The following LMBR1 variants were observed in gnomAD, a reference collection of about 807,000 sequenced individuals.
LMBR1 encodes the protein limb development membrane protein 1, also known as limb region 1 protein homolog.
In LMBR1, 52 loss-of-function variants were observed where a neutral mutation model predicts 73.9. That is an observed-to-expected ratio of 0.70 (90% CI 0.56 to 0.89). The LOEUF (loss-of-function observed/expected upper bound fraction) is 0.89. LMBR1 is among the 40% of genes least tolerant of loss of function. LMBR1 has a pLI of 0.00. For synonymous variants in LMBR1, 215 were observed against 209.4 expected (o/e 1.03, Z -0.23); for missense variants, 539 against 579.8 (o/e 0.93, Z 0.72).
chr7:156,725,656 A>T, intron 13 of LMBR1, 108 bp downstream of exon 13: 5 of 1,248,466 alleles, frequency 4.0e-6, no homozygotes, highest in Non-Finnish European at 4.5e-6. Flanking sequence ...AGGAAGACTA[A>T]CCTGTTGTTT....
At chr7:156,858,593 A>G (rs1797299616) in intron 1 of LMBR1, among the ~76,000 whole-genome samples, 1 of 152,246 alleles carries the variant, frequency 6.6e-6, no homozygotes, top group South Asian at 2.1e-4. Context: ...CCAAAATGAA[A>G]TAAAGGCATT....
At chr7:156,726,986 G>C (rs544292756) in intron 12 of LMBR1, among the ~76,000 whole-genome samples, 3 of 152,152 alleles carry the variant, frequency 2.0e-5, no homozygotes, top group African/African-American at 7.2e-5. Context: ...CAACAAACCA[G>C]AGCATAAAAG....
intron 4 of LMBR1, among the ~76,000 whole-genome samples, chr7:156,799,691 T>C (rs1349216447): frequency 2.0e-5 from 3 of 152,098 alleles, no homozygotes; most frequent in Non-Finnish European, 4.4e-5. Flanking sequence ...TCACTTTCAA[T>C]CAAAAGCTAG....
At chr7:156,870,562 G>A (rs963711068) in intron 1 of LMBR1, among the ~76,000 whole-genome samples, 8 of 151,998 alleles carry the variant, frequency 5.3e-5, no homozygotes, top group Admixed American at 2.6e-4. Context: ...TCAGGAGATC[G>A]AGACCACCCT....
intron 4 of LMBR1, among the ~76,000 whole-genome samples, chr7:156,820,001 G>C (rs1300089069): frequency 1.3e-5 from 2 of 152,206 alleles, no homozygotes; most frequent in African/African-American, 4.8e-5. Context: ...TGCATTCTTA[G>C]AGGGATTTCA....
At chr7:156,673,817 T>C (rs967131010), downstream of LMBR1, among the ~76,000 whole-genome samples, 3 of 151,892 alleles carry the variant, frequency 2.0e-5, no homozygotes, top group Non-Finnish European at 2.9e-5. Context: ...AGGGAGAGAA[T>C]TGGAAGAGAA....
At chr7:156,819,671 G>A (rs1040034336) in intron 4 of LMBR1, among the ~76,000 whole-genome samples, 1 of 152,166 alleles carries the variant, frequency 6.6e-6, no homozygotes, top group Non-Finnish European at 1.5e-5. Context: ...TAACCAGACC[G>A]TTCGTGAACT....
chr7:156,711,856 T>G (rs1359075258), intron 15 of LMBR1, among the ~76,000 whole-genome samples: 1 of 152,134 alleles, frequency 6.6e-6, no homozygotes, highest in Non-Finnish European at 1.5e-5. Context: ...CAACTCAAGA[T>G]GGATTAAAGA....
chr7:156,804,684 A>AT (rs779072219), intron 4 of LMBR1, among the ~76,000 whole-genome samples: 77 of 151,138 alleles, frequency 5.1e-4, no homozygotes, highest in Non-Finnish European at 8.0e-4. Context: ...TCTGTTGCCC[A>AT]TTTTTTCATT....
At chr7:156,674,427 C>A (rs1222710412), downstream of LMBR1, among the ~76,000 whole-genome samples, 2 of 152,256 alleles carry the variant, frequency 1.3e-5, no homozygotes, top group African/African-American at 4.8e-5. Flanking sequence ...GGCTGACAGT[C>A]ACCATTGGCA....
At chr7:156,880,540 C>T (rs1474282390) in intron 1 of LMBR1, among the ~76,000 whole-genome samples, 3 of 151,978 alleles carry the variant, frequency 2.0e-5, no homozygotes, top group African/African-American at 4.8e-5. Flanking sequence ...TTAAAGAAGG[C>T]ACAGACAAAG....
chr7:156,827,878 A>G (rs1344111851), intron 3 of LMBR1, among the ~76,000 whole-genome samples: 2 of 152,254 alleles, frequency 1.3e-5, no homozygotes, highest in African/African-American at 4.8e-5. Flanking sequence ...ATTTTAAAAT[A>G]CAGACCATAT....
intron 4 of LMBR1, among the ~76,000 whole-genome samples, chr7:156,797,965 AT>A (rs1336100850): frequency 7.8e-6 from 1 of 128,586 alleles, no homozygotes; most frequent in African/African-American, 2.8e-5. Context: ...ATAATTTTAT[AT>A]TTTCCAGCCT....
At chr7:156,810,834 A>C (rs898325190) in intron 4 of LMBR1, among the ~76,000 whole-genome samples, 2 of 149,664 alleles carry the variant, frequency 1.3e-5, no homozygotes, top group African/African-American at 4.9e-5. Flanking sequence ...TTTTACATGG[A>C]GTGTTGCTCT....
intron 1 of LMBR1, among the ~76,000 whole-genome samples, chr7:156,859,525 A>G (rs1204071807): frequency 6.6e-6 from 1 of 152,164 alleles, no homozygotes; most frequent in Non-Finnish European, 1.5e-5. Flanking sequence ...GTTCAAAAAT[A>G]AATTGCTTTC....
At chr7:156,879,435 C>T (rs973680692) in intron 1 of LMBR1, among the ~76,000 whole-genome samples, 3 of 152,052 alleles carry the variant, frequency 2.0e-5, no homozygotes, top group African/African-American at 4.8e-5. Context: ...GAGGCCGAGG[C>T]GAGCAGATCC....
At chr7:156,869,898 T>C (rs896440182) in intron 1 of LMBR1, among the ~76,000 whole-genome samples, 2 of 152,100 alleles carry the variant, frequency 1.3e-5, no homozygotes, top group Non-Finnish European at 2.9e-5. Context: ...CATTCATCAT[T>C]TCTCATTATA....
At chr7:156,753,439 G>A (rs1821261363) in intron 9 of LMBR1, among the ~76,000 whole-genome samples, 1 of 152,104 alleles carries the variant, frequency 6.6e-6, no homozygotes, top group Non-Finnish European at 1.5e-5. Context: ...GTGGGTAGAA[G>A]CGAGCCATCA....
intron 3 of LMBR1, among the ~76,000 whole-genome samples, chr7:156,830,127 C>T (rs1218022761): frequency 6.6e-6 from 1 of 152,188 alleles, no homozygotes; most frequent in African/African-American, 2.4e-5. Flanking sequence ...ATAAGCACTA[C>T]TTCCTTCTTG....
Sources: allele counts gnomAD v4.1 joint callset (sites outside exome capture counted in the v4.1 genomes callset), GRCh38; gene constraint gnomAD v4.1.1; transcripts MANE v1.5; gene names NCBI Gene and HGNC (gene_info 2026-07-23, HGNC 2026-07-21).